The following PARP10 variants were observed in gnomAD, a reference collection of about 807,000 sequenced individuals.
PARP10 encodes the protein protein mono-ADP-ribosyltransferase PARP10.
Under a neutral mutation model 82.4 loss-of-function variants are expected in PARP10, and 56 were observed. That is an observed-to-expected ratio of 0.68 (90% CI 0.55 to 0.85). PARP10 has a LOEUF of 0.85. PARP10 is among the 40% of genes least tolerant of loss of function. The pLI, the probability that PARP10 is intolerant of heterozygous loss-of-function variation, is 0.00. For missense variants in PARP10, 1,227 were observed against 1,379.4 expected (o/e 0.89, Z 1.75); for synonymous variants, 576 against 601.1 (o/e 0.96, Z 0.61).
chr8:144,012,536 T>C (rs1554752598), exon 1 of PARP10: 1 of 1,551,774 alleles, frequency 6.4e-7, no homozygotes, highest in Non-Finnish European at 8.7e-7. Flanking sequence ...TCACCAATTA[T>C]GAAGGGCTTC....
At chr8:144,009,618 AC>A (rs1834259442) in intron 1 of PARP10, among the ~76,000 whole-genome samples, 1 of 152,090 alleles carries the variant, frequency 6.6e-6, no homozygotes, top group Admixed American at 6.5e-5. Flanking sequence ...CTCCTCTACG[AC>A]CTGGAGCAGT....
Position 143,986,146 on chromosome 8 carries a change from G to T in PARP10, c.90C>A (p.Tyr30Ter). ...PAVPDELLTL[Y>*]FENRRRSGGG... ...CTCCAGAGCGTCGGCGGTTTTCAAA[G>T]TAGAGAGTGAGCAGCTCGTCGGGCA... is the stretch of plus-strand genomic sequence containing the variant. The change falls in exon 2 of 11, where the codon TAC becomes TAA. Residue 30 changes from tyrosine (Y) to a stop codon, truncating the protein, a stop_gained. Coordinates refer to ENST00000313028, the MANE Select transcript of PARP10 (RefSeq NM_032789.5). LOFTEE classifies it high-confidence loss of function. 1.2e-6 allele frequency: 2 copies of T among 1,614,034 alleles called. No individual in the cohort carries two copies. The highest frequency in any genetic ancestry group is 1.7e-6 in the Non-Finnish European group (2 of 1,179,972).
intron 9 of PARP10, among the ~76,000 whole-genome samples, chr8:143,979,600 T>C (rs1587448104): frequency 6.6e-6 from 1 of 152,144 alleles, no homozygotes. Context: ...ATACCTCTAA[T>C]TGTAAAGGGC....
At chr8:143,991,199 G>A, upstream of PARP10, 1 of 1,534,750 alleles carries the variant, frequency 6.5e-7, no homozygotes, top group Non-Finnish European at 8.8e-7. Context: ...GTCTTCTCTA[G>A]GGGCGGACCG....
chr8:143,997,751 C>T (rs1331798261), intron 1 of PARP10, among the ~76,000 whole-genome samples: 1 of 151,968 alleles, frequency 6.6e-6, no homozygotes, highest in Non-Finnish European at 1.5e-5. Flanking sequence ...GCAACCAACT[C>T]CCACTCTTAA....
In PARP10 at chr8:144,008,642, C is replaced by G. The variant is rs1480150144; in HGVS notation, c.-80+3888G>C. ...TGCAGCCAGGAACTGGGACTGTTCCCAAGTGACACTGTCCAAGAGCTCAGA... is the reference window on the plus strand; with the variant it reads ...TGCAGCCAGGAACTGGGACTGTTCCGAAGTGACACTGTCCAAGAGCTCAGA... On this transcript the variant is annotated intron_variant, in intron 1 of 3. Transcript: ENST00000530478. The surrounding 1 kb of genome is among the most constrained non-coding windows in gnomAD (Gnocchi z 4.0). Among the ~76,000 whole-genome samples, 2 of 152,166 alleles carry G rather than the reference C, an allele frequency of 1.3e-5. No homozygotes were observed. Among genetic ancestry groups the G allele is most frequent in the South Asian group, 2.1e-4 (1 of 4,834 alleles).
rs1554746541 is a variant in PARP10 at position 143,977,651 on chromosome 8, C to T, written c.2911G>A (p.Val971Met). The stretch of plus-strand genomic sequence containing the variant: ...ACGGCGCTGTCGTAGCGCAGGAGCA[C>T]GTGGCCAGGACCCCGCAGAGGGGGC... ...RAPPLRGPGH[V>M]LLRYDSAVDC... is the part of the protein sequence containing the mutation. Residue 971 changes from valine (V) to methionine (M), a missense_variant, in exon 11 of 11, where the codon GTG becomes ATG. Coordinates refer to ENST00000313028, the MANE Select transcript of PARP10 (RefSeq NM_032789.5). 3.8e-6 allele frequency: 6 copies of T among 1,594,438 alleles called. No homozygotes were observed. The South Asian group carries it at 5.6e-5, about 15-fold the overall frequency.
At chr8:144,005,040 G>A (rs1176315950) in intron 1 of PARP10, among the ~76,000 whole-genome samples, 5 of 152,154 alleles carry the variant, frequency 3.3e-5, no homozygotes, top group Admixed American at 6.5e-5. Context: ...TTAGCCAGGC[G>A]TGGTGGTGGG....
chr8:144,001,716 A>G (rs140009726), intron 1 of PARP10, among the ~76,000 whole-genome samples: 5 of 152,144 alleles, frequency 3.3e-5, no homozygotes, highest in Admixed American at 3.3e-4. Context: ...CAAAAAGAGA[A>G]GAGAAGAGAA....
In PARP10 at chr8:143,977,547, C is replaced by G; in HGVS notation, c.3015G>C (p.Glu1005Asp). ...CGTCGGGGGAAGCGCGGGGCACGTG[C>G]TCGCAGGTGATGAGGTGGGTGGGCA... The part of the protein sequence containing the change: ...QALPTHLITC[E>D]HVPRASPDDP... The change falls in exon 11 of 11, where the codon GAG (glutamate) becomes GAC (aspartate). Residue 1005 changes from glutamate to aspartate, a missense_variant. Coordinates refer to ENST00000313028, the MANE Select transcript of PARP10 (RefSeq NM_032789.5). The G allele has an allele frequency of 1.3e-6, 2 of 1,566,646 alleles. No homozygotes were observed. The highest frequency in any genetic ancestry group is 1.7e-6 in the Non-Finnish European group (2 of 1,156,096).
intron 1 of PARP10, among the ~76,000 whole-genome samples, chr8:143,996,404 T>C (rs1554751309): frequency 6.6e-6 from 1 of 152,192 alleles, no homozygotes; most frequent in African/African-American, 2.4e-5. Context: ...CAACGGTGCC[T>C]GCTGAAACCC....
rs1477199107 is a variant in PARP10 at position 144,011,648 on chromosome 8, C to T, written c.-80+882G>A. ...TAAGAGAAGGGGAGCATCATGAGGA[C>T]TGAGTCCTGAGTTCTTAGAACCAGG... On this transcript the variant is annotated intron_variant, in intron 1 of 3. Coordinates refer to the PARP10 transcript ENST00000530478. The surrounding 1 kb of genome is among the most constrained non-coding windows in gnomAD (Gnocchi z 4.5). 6.6e-6 allele frequency among the ~76,000 whole-genome samples: 1 copy of T among 152,124 alleles called. No homozygotes were observed. Among genetic ancestry groups the T allele is most frequent in the Non-Finnish European group, 1.5e-5 (1 of 68,026 alleles).
At chr8:143,984,128 C>T in intron 6 of PARP10, 24 bp from the exon 7 acceptor site, 2 of 1,563,084 alleles carry the variant, frequency 1.3e-6, no homozygotes, top group Non-Finnish European at 1.7e-6. Flanking sequence ...ATGTCAGGAC[C>T]ACTAGCCTCT....
Position 143,986,160 on chromosome 8 carries a change from G to A in PARP10, c.76C>T (p.Leu26=). ...RGLPPAVPDE[L]LTLYFENRRR... is the part of the protein sequence containing the mutation. ...CGGTTTTCAAAGTAGAGAGTGAGCA[G>A]CTCGTCGGGCACGGCAGGGGGCAGT... Residue 26 remains leucine (L), a synonymous_variant, in exon 2 of 11, where the codon CTG becomes TTG. Transcript: ENST00000313028. 6.2e-7 allele frequency: 1 copy of A among 1,614,064 alleles called. No homozygotes were observed. The highest frequency in any genetic ancestry group is 8.5e-7 in the Non-Finnish European group (1 of 1,180,004).
intron 1 of PARP10, among the ~76,000 whole-genome samples, chr8:144,004,664 C>T (rs1834223167): frequency 6.6e-6 from 1 of 152,204 alleles, no homozygotes; most frequent in Non-Finnish European, 1.5e-5. Context: ...AGAGTCTATG[C>T]TGATTCAGTT....
chr8:143,987,584 A>G (rs1834012830), upstream of PARP10, among the ~76,000 whole-genome samples: 2 of 152,204 alleles, frequency 1.3e-5, no homozygotes, highest in Non-Finnish European at 2.9e-5. Context: ...TCCCAGCATC[A>G]GCAACAGTAG....
chr8:143,993,817 G>T (rs1834138552), upstream of PARP10, among the ~76,000 whole-genome samples: 1 of 152,224 alleles, frequency 6.6e-6, no homozygotes, highest in Non-Finnish European at 1.5e-5. Flanking sequence ...GTCCATCTGT[G>T]TGGGCACCCT....
chr8:143,979,949 T>C (rs1411213909), intron 9 of PARP10, among the ~76,000 whole-genome samples: 1 of 144,298 alleles, frequency 6.9e-6, no homozygotes, highest in African/African-American at 2.6e-5. Flanking sequence ...GAGGCGGAGC[T>C]TGCAGTGAGC....
rs782005697 is a variant in PARP10 at position 143,983,368 on chromosome 8, G to A, written c.2221C>T (p.Pro741Ser). ...EVHVQEETVG[P>S]WRRTLPAELR... ...TCTGCAGGCAGTGTGCGGCGCCAGG[G>A]CCCCACCGTCTCCTCCTGGACGTGG... is the stretch of plus-strand genomic sequence containing the variant. Residue 741 changes from proline to serine, a missense_variant, in exon 8 of 11, where the codon CCC (proline) becomes TCC (serine). Physicochemically the swap from Pro to Ser is moderately conservative, Grantham distance 74. Coordinates refer to ENST00000313028, the MANE Select transcript of PARP10 (RefSeq NM_032789.5). 1 of 1,606,462 alleles carries A rather than the reference G, an allele frequency of 6.2e-7. No homozygotes were observed. Among genetic ancestry groups the A allele is most frequent in the East Asian group, 2.2e-5 (1 of 44,730 alleles).
Sources: allele counts gnomAD v4.1 joint callset (sites outside exome capture counted in the v4.1 genomes callset), GRCh38; gene constraint gnomAD v4.1.1; non-coding constraint Gnocchi (gnomAD v3.1); transcripts MANE v1.5; gene names NCBI Gene and HGNC (gene_info 2026-07-23, HGNC 2026-07-21).